IL18: variants seen among roughly 807,000 people sequenced by gnomAD.
IL18 encodes the protein interleukin 18.
A neutral mutation model predicts 14.2 loss-of-function variants in IL18; 8 were observed. That is an observed-to-expected ratio of 0.56 (90% CI 0.33 to 1.01). IL18 has a LOEUF of 1.01. Among genes scored for constraint, IL18 ranks in the 50% least tolerant of loss-of-function variants. IL18 has a pLI of 0.03. For synonymous variants in IL18, 67 were observed against 71.0 expected (o/e 0.94, Z 0.28); for missense variants, 166 against 231.1 (o/e 0.72, Z 1.83).
intron 1 of IL18, among the ~76,000 whole-genome samples, chr11:112,157,200 A>G (rs1239661837): frequency 6.6e-6 from 1 of 152,202 alleles, no homozygotes; most frequent in Non-Finnish European, 1.5e-5. Flanking sequence ...TGTTTTGATT[A>G]GTTATCAGTT....
intron 5 of IL18, among the ~76,000 whole-genome samples, chr11:112,146,879 AATTAAAATTT>A (rs1866352415): frequency 2.6e-4 from 1 of 3,882 alleles, no homozygotes; most frequent in African/African-American, 1.3e-3. Flanking sequence ...TTAAAATTTG[AATTAAAATTT>A]GAATTAAATT....
rs767542035 is a variant in IL18, at chr11:112,143,863, T to C, written c.361-46A>G. The C allele has an allele frequency of 7.4e-6, 9 of 1,210,224 alleles. No individual in the cohort carries two copies. The South Asian group carries it at 1.2e-4, about 17-fold the overall frequency. 75.0% of individuals were successfully genotyped at this position (1,210,224 alleles called of 1,614,324 possible). On this transcript the variant is annotated intron_variant, in intron 5 of 5. Coordinates refer to ENST00000280357, the MANE Select transcript of IL18 (RefSeq NM_001562.4). Reference sequence around the variant, plus strand: ...CCTAATTATTTCAGGACATGAACAATTTGAATATATGAAGTTTGTTTTGAA... The same window carrying C: ...CCTAATTATTTCAGGACATGAACAACTTGAATATATGAAGTTTGTTTTGAA...
At chr11:112,161,671 T>C (rs867312073) in intron 1 of IL18, among the ~76,000 whole-genome samples, 5 of 152,272 alleles carry the variant, frequency 3.3e-5, no homozygotes, top group Admixed American at 6.5e-5. Flanking sequence ...TGGTGGCATG[T>C]GCCTTGTAGT....
In IL18 at chr11:112,145,180, C is replaced by T. The variant is rs889646247; in HGVS notation, c.361-1363G>A. On this transcript the variant is annotated intron_variant, in intron 5 of 5. Transcript: ENST00000280357. ...GGTCACGGGGTTACCTCCAACTTCT[C>T]AATCAGTTGTGGAATCAGTAGTCAT... 7.9e-5 allele frequency among the ~76,000 whole-genome samples: 12 copies of T among 152,310 alleles called. No homozygotes were observed. In the East Asian group the frequency reaches 2.3e-3, roughly 29 times the overall value.
rs1199026248 is a variant in IL18, at chr11:112,150,090, T to A, written c.208A>T (p.Thr70Ser). ...QGNRPLFEDM[T>S]DSDCRDNAPR... is the part of the protein sequence containing the mutation. ...AAAATACCTCTACAGTCAGAATCAG[T>A]CATATCTTCAAATAGAGGCCGATTT... Residue 70 changes from threonine to serine, a missense_variant, in exon 4 of 6, where the codon ACT becomes TCT. Physicochemically the swap from Thr to Ser is moderately conservative, Grantham distance 58. Transcript: ENST00000280357. 2 of 1,606,714 alleles carry A rather than the reference T, an allele frequency of 1.2e-6. No individual in the cohort carries two copies. Among genetic ancestry groups the A allele is most frequent in the East Asian group, 4.5e-5 (2 of 44,776 alleles).
intron 1 of IL18, among the ~76,000 whole-genome samples, chr11:112,163,683 A>C (rs1209161798): frequency 6.6e-6 from 1 of 152,260 alleles, no homozygotes; most frequent in African/African-American, 2.4e-5. Context: ...TAAAGGGAAC[A>C]TGAGAGCAAA....
Position 112,148,612 on chromosome 11 carries a change from A to T in IL18, c.351T>A (p.Ile117=). The T allele has an allele frequency of 1.3e-6, 2 of 1,495,482 alleles. No individual in the cohort carries two copies. Among genetic ancestry groups the T allele is most frequent in the South Asian group, 2.6e-5 (2 of 76,580 alleles). The allele number at this position is 1,495,482 out of a possible 1,614,324, so 92.6% of individuals were successfully genotyped here. Reference sequence around the variant, plus strand: ...TAAGGCTCAGTCTTACCTTAAAGGAAATAATTTTGTTCTCACAGGAGAGAG... The same window carrying T: ...TAAGGCTCAGTCTTACCTTAAAGGATATAATTTTGTTCTCACAGGAGAGAG... ...ISTLSCENKI[I]SFKEMNPPDN... Residue 117 remains isoleucine, a synonymous_variant, in exon 5 of 6, where the codon ATT becomes ATA. Transcript: ENST00000280357.
chr11:112,145,257 A>C (rs1344992281), intron 5 of IL18, among the ~76,000 whole-genome samples: 1 of 152,204 alleles, frequency 6.6e-6, no homozygotes, highest in African/African-American at 2.4e-5. Context: ...AGTTGATGAA[A>C]GTATAAACTA....
At chr11:112,155,501 T>C (rs1383311887) in intron 1 of IL18, among the ~76,000 whole-genome samples, 1 of 152,128 alleles carries the variant, frequency 6.6e-6, no homozygotes, top group Non-Finnish European at 1.5e-5. Context: ...GACTTCATTG[T>C]CAAAATGCTA....
intron 3 of IL18, among the ~76,000 whole-genome samples, chr11:112,152,096 C>G (rs1375033954): frequency 6.6e-6 from 1 of 152,216 alleles, no homozygotes; most frequent in Non-Finnish European, 1.5e-5. Context: ...GACATCTCCA[C>G]TAGGACGTTC....
intron 5 of IL18, among the ~76,000 whole-genome samples, chr11:112,148,039 C>A (rs1866372264): frequency 6.6e-6 from 1 of 152,182 alleles, no homozygotes; most frequent in South Asian, 2.1e-4. Context: ...TATAGCATTA[C>A]TTTTACAGCT....
At chr11:112,150,443 A>G (rs1185648748) in intron 3 of IL18, 1 of 386,882 alleles carries the variant, frequency 2.6e-6, no homozygotes, top group African/African-American at 2.1e-5. Context: ...CTACTTTCTG[A>G]CCGGTCTCTT....
intron 2 of IL18, 70 bp from the exon 3 acceptor site, chr11:112,153,673 T>G: frequency 8.6e-7 from 1 of 1,156,172 alleles, no homozygotes; most frequent in Non-Finnish European, 1.3e-6. Context: ...TCAATCTCAT[T>G]CTAGCTTTTA....
rs187654101 is a variant in IL18, at chr11:112,150,330, C to T, written c.92-124G>A. Reference sequence around the variant, plus strand: ...CAATCTTCTGTTCCAGAAGTAGCTACAATAAAGTTGCCTATTGTTTTTTAA... The same window carrying T: ...CAATCTTCTGTTCCAGAAGTAGCTATAATAAAGTTGCCTATTGTTTTTTAA... On this transcript the variant is annotated intron_variant, in intron 3 of 5. Transcript: ENST00000280357. The T allele has an allele frequency of 8.1e-5, 53 of 656,140 alleles. No homozygotes were observed. The African/African-American group carries it at 9.1e-4, about 11-fold the overall frequency. The allele number at this position is 656,140 out of a possible 1,614,324, so 40.6% of individuals were successfully genotyped here. A position where few individuals can be genotyped will look rare whatever the true frequency, so the allele number is the denominator to read the frequency against.
chr11:112,155,391 G>A (rs939639786), intron 1 of IL18, among the ~76,000 whole-genome samples: 4 of 152,152 alleles, frequency 2.6e-5, no homozygotes, highest in African/African-American at 9.7e-5. Context: ...TTTCACCTGA[G>A]GATGCCATAA....
At chr11:112,155,179 G>T in intron 1 of IL18, 118 bp from the exon 2 acceptor site, 1 of 553,012 alleles carries the variant, frequency 1.8e-6, no homozygotes, top group Middle Eastern at 3.3e-4. Context: ...GAACAATCTT[G>T]ACATTCAATA....
At position 112,149,081 on chromosome 11, in the gene IL18, A is replaced by C. The variant is rs111699535; in HGVS notation, c.227-345T>G. Among the ~76,000 whole-genome samples the C allele has an allele frequency of 7.2e-5, 11 of 152,194 alleles. 1 individual carries two copies. The highest frequency in any genetic ancestry group is 2.6e-4 in the African/African-American group (11 of 41,542). ...TGAGGCAGGCAGATCACTTGAGGTT[A>C]GGGGTTTGAGACCAGCCTGGCCAAC... On this transcript the variant is annotated intron_variant, in intron 4 of 5. Transcript: ENST00000280357.
rs767815296 is a variant in IL18 at position 112,143,694 on chromosome 11, C to T, written c.484G>A (p.Ala162Thr). The T allele has an allele frequency of 6.8e-6, 11 of 1,612,634 alleles. No individual in the cohort carries two copies. The highest frequency in any genetic ancestry group is 8.5e-6 in the Non-Finnish European group (10 of 1,178,766). ...AAAAGGTCTCTCTCTTTTTCACAAG[C>T]TAGAAAGTATCCTTCGTATGATGAA... ...ESSSYEGYFL[A>T]CEKERDLFKL... is the part of the protein sequence containing the mutation. Residue 162 changes from alanine (A) to threonine (T), a missense_variant, in exon 6 of 6, where the codon GCT (alanine) becomes ACT (threonine). By Grantham distance (58) the Ala-to-Thr change is moderately conservative. Coordinates refer to ENST00000280357, the MANE Select transcript of IL18 (RefSeq NM_001562.4).
At chr11:112,152,572 A>G (rs1566741397) in intron 3 of IL18, among the ~76,000 whole-genome samples, 1 of 152,210 alleles carries the variant, frequency 6.6e-6, no homozygotes, top group Non-Finnish European at 1.5e-5. Flanking sequence ...ATGTGATTAA[A>G]TTCTAGTCAA....
Sources: gnomAD v4.1 joint callset for allele counts (sites outside exome capture counted in the v4.1 genomes callset) on GRCh38, gnomAD v4.1.1 for gene constraint, MANE v1.5 for transcripts, NCBI Gene and HGNC (gene_info 2026-07-23, HGNC 2026-07-21) for gene names.